The following GULP1 variants were observed in gnomAD, a reference collection of about 807,000 sequenced individuals.
The protein encoded by GULP1 is GULP PTB domain containing engulfment adaptor 1.
GULP1 carries 19 observed loss-of-function variants against 40.9 expected under a neutral mutation model. The observed-to-expected ratio is 0.46, with a 90% CI of 0.32 to 0.68. The LOEUF (loss-of-function observed/expected upper bound fraction) is 0.68, where lower values mean the gene tolerates loss of function less well. GULP1 is among the 30% of genes least tolerant of loss of function. The pLI is 0.03. For missense variants in GULP1, 312 were observed against 362.2 expected (o/e 0.86, Z 1.12); for synonymous variants, 119 against 117.6 (o/e 1.01, Z -0.08).
intron 1 of GULP1, among the ~76,000 whole-genome samples, chr2:188,309,125 T>C (rs2037637890): frequency 6.6e-6 from 1 of 152,166 alleles, no homozygotes; most frequent in Non-Finnish European, 1.5e-5. Context: ...ATTTTTCTTT[T>C]CGATCCTGTC....
At chr2:188,567,632 C>A (rs1698055244) in intron 7 of GULP1, among the ~76,000 whole-genome samples, 1 of 151,958 alleles carries the variant, frequency 6.6e-6, no homozygotes, top group South Asian at 2.1e-4. Context: ...ACACCAGGAC[C>A]CATTAGGGGG....
At chr2:188,544,538 T>TAATAATA (rs1288627308) in intron 7 of GULP1, among the ~76,000 whole-genome samples, 6 of 151,012 alleles carry the variant, frequency 4.0e-5, no homozygotes, top group African/African-American at 1.5e-4. Context: ...AAAGTATTAT[T>TAATAATA]ATAATAATAA....
chr2:188,371,384 A>G (rs2047578194), intron 1 of GULP1, among the ~76,000 whole-genome samples: 1 of 152,142 alleles, frequency 6.6e-6, no homozygotes, highest in Admixed American at 6.5e-5. Context: ...TGGTGAAATC[A>G]AATGATAAAT....
rs544653627 is a variant in GULP1, at chr2:188,311,167, A to G, written c.-172+19001A>G. ...GGAATTATGCCCAATTCCCCAAATA[A>G]TATTTCTGCAGTTGGTTATTGGTTT... On this transcript the variant is annotated intron_variant, in intron 1 of 11. Transcript: ENST00000409830. Among the ~76,000 whole-genome samples the G allele has an allele frequency of 4.6e-5, 7 of 152,168 alleles. No individual in the cohort carries two copies. The South Asian group carries it at 8.3e-4, about 18-fold the overall frequency.
chr2:188,436,888 A>G (rs1224113647), intron 2 of GULP1, among the ~76,000 whole-genome samples: 1 of 152,062 alleles, frequency 6.6e-6, no homozygotes, highest in African/African-American at 2.4e-5. Context: ...GTATATCTCT[A>G]TTTCTATCCA....
chr2:188,346,034 G>A (rs2043602143), intron 1 of GULP1, among the ~76,000 whole-genome samples: 1 of 152,208 alleles, frequency 6.6e-6, no homozygotes, highest in Non-Finnish European at 1.5e-5. Context: ...TTCTTTAGCA[G>A]TGTTTAATAT....
chr2:188,381,845 G>A (rs1276909325), intron 1 of GULP1, among the ~76,000 whole-genome samples: 1 of 152,038 alleles, frequency 6.6e-6, no homozygotes, highest in Non-Finnish European at 1.5e-5. Flanking sequence ...TTTAGAGCTG[G>A]AAGTATGTGA....
chr2:188,565,139 G>C (rs1697334388), intron 7 of GULP1, among the ~76,000 whole-genome samples: 1 of 151,820 alleles, frequency 6.6e-6, no homozygotes, highest in Non-Finnish European at 1.5e-5. Context: ...ACTTTGGATG[G>C]ATAGTGATTT....
chr2:188,448,451 G>A (rs993310510), intron 2 of GULP1, among the ~76,000 whole-genome samples: 2 of 152,038 alleles, frequency 1.3e-5, no homozygotes, highest in African/African-American at 2.4e-5. Context: ...TGGAAAACAC[G>A]TGATGAGAAT....
chr2:188,483,457 G>A lies in GULP1; in HGVS notation c.55G>A (p.Ala19Thr), dbSNP rs560393029. The change falls in exon 4 of 12, where the codon GCT becomes ACT. Residue 19 changes from alanine to threonine, a missense_variant. Ala to Thr is a moderately conservative substitution (Grantham distance 58). Transcript: ENST00000409830. Reference protein sequence around the residue: ...KDKTWMHTPEALSKHFIPYNA... With the variant: ...KDKTWMHTPETLSKHFIPYNA... ...CAAAACATGGATGCATACACCTGAAGCTTTATCAAAACATTTCATTCCCTA... is the reference window on the plus strand; with the variant it reads ...CAAAACATGGATGCATACACCTGAAACTTTATCAAAACATTTCATTCCCTA... 6 of 1,528,192 alleles carry A rather than the reference G, an allele frequency of 3.9e-6. No homozygotes were observed. The East Asian group carries it at 1.1e-4, about 29-fold the overall frequency. 94.7% of individuals were successfully genotyped at this position (1,528,192 alleles called of 1,614,324 possible).
At chr2:188,359,208 T>C (rs541771104) in intron 1 of GULP1, among the ~76,000 whole-genome samples, 16 of 152,238 alleles carry the variant, frequency 1.1e-4, no homozygotes, top group African/African-American at 3.6e-4. Context: ...TCATTATTTT[T>C]TAACATTAAT....
intron 2 of GULP1, among the ~76,000 whole-genome samples, chr2:188,407,020 T>A (rs2053211050): frequency 6.6e-6 from 1 of 151,842 alleles, no homozygotes; most frequent in Non-Finnish European, 1.5e-5. Flanking sequence ...AAGAAACATA[T>A]CACACATAAG....
intron 4 of GULP1, among the ~76,000 whole-genome samples, chr2:188,506,866 A>G (rs1293047203): frequency 6.6e-6 from 1 of 152,036 alleles, no homozygotes; most frequent in Non-Finnish European, 1.5e-5. Context: ...CAAATTTGCT[A>G]TCCTGATAAC....
At chr2:188,470,528 T>C (rs1266774750) in intron 2 of GULP1, among the ~76,000 whole-genome samples, 1 of 152,134 alleles carries the variant, frequency 6.6e-6, no homozygotes, top group African/African-American at 2.4e-5. Flanking sequence ...GCTTTTCTTC[T>C]TTTTTGATGG....
At chr2:188,378,683 A>T (rs1261043952) in intron 1 of GULP1, among the ~76,000 whole-genome samples, 1 of 152,016 alleles carries the variant, frequency 6.6e-6, no homozygotes, top group Non-Finnish European at 1.5e-5. Context: ...GGCTCTTTTT[A>T]ACAAACAGCT....
chr2:188,396,130 A>T (rs2051220993), intron 2 of GULP1, among the ~76,000 whole-genome samples: 1 of 152,178 alleles, frequency 6.6e-6, no homozygotes, highest in South Asian at 2.1e-4. Context: ...CTTGCAGAAG[A>T]GTGCTGGATG....
At chr2:188,509,222 G>A (rs2064247707) in intron 4 of GULP1, among the ~76,000 whole-genome samples, 1 of 152,026 alleles carries the variant, frequency 6.6e-6, no homozygotes, top group South Asian at 2.1e-4. Context: ...TCTGTAGGAG[G>A]CCACCGACAT....
chr2:188,464,452 C>A (rs909880081), intron 2 of GULP1, among the ~76,000 whole-genome samples: 2 of 152,198 alleles, frequency 1.3e-5, no homozygotes, highest in African/African-American at 4.8e-5. Context: ...CTGGGTCAGA[C>A]CTGAAGCCAG....
At chr2:188,355,795 AT>A (rs984924338) in intron 1 of GULP1, among the ~76,000 whole-genome samples, 10 of 152,048 alleles carry the variant, frequency 6.6e-5, no homozygotes, top group African/African-American at 2.4e-4. Flanking sequence ...GCAAACCAGT[AT>A]TTTGAACTGA....
Sources: gnomAD v4.1 joint callset for allele counts (sites outside exome capture counted in the v4.1 genomes callset) on GRCh38, gnomAD v4.1.1 for gene constraint, MANE v1.5 for transcripts, NCBI Gene and HGNC (gene_info 2026-07-23, HGNC 2026-07-21) for gene names.